The following IL1RAPL2 variants were observed in gnomAD, a reference collection of about 807,000 sequenced individuals.
IL1RAPL2 encodes interleukin 1 receptor accessory protein like 2.
A neutral mutation model predicts 44.1 loss-of-function variants in IL1RAPL2; 3 were observed. The ratio of observed to expected loss-of-function variants is 0.07; its 90% CI spans 0.03 to 0.18. IL1RAPL2 has a LOEUF of 0.18. Ranked by LOEUF, IL1RAPL2 falls within the 10% of genes least tolerant of loss-of-function variation. The probability of loss-of-function intolerance (pLI) is 1.00; values close to 1 mark genes in which losing one functional copy is unlikely to be tolerated. For synonymous variants in IL1RAPL2, 181 were observed against 178.8 expected, an observed-to-expected ratio of 1.01 and a Z score of -0.10; for missense variants, 391 against 496.4, an observed-to-expected ratio of 0.79 and a Z score of 2.02.
At chrX:104,947,206 A>G (rs1925404775) in intron 2 of IL1RAPL2, among the ~76,000 whole-genome samples, 1 of 111,460 alleles carries the variant, frequency 9.0e-6, no homozygotes, top group Non-Finnish European at 1.9e-5. Flanking sequence ...TGGCTGCATA[A>G]AGGTCTTCTT....
rs1005340582 is a variant in IL1RAPL2, at chrX:105,111,773, A to AT, written c.83-83696dup. Among the ~76,000 whole-genome samples, 5 of 111,289 alleles carry AT rather than the reference A, an allele frequency of 4.5e-5. No homozygotes were observed. The East Asian group carries it at 1.4e-3, about 31-fold the overall frequency. On this transcript the variant is annotated intron_variant, in intron 2 of 10. Transcript: ENST00000372582. ...ATTAACTTTAAAAGTTTCCTTGGGCATTTTTTCTGGTTGTTGTTGTTTTGA... is the reference window on the plus strand; with the variant it reads ...ATTAACTTTAAAAGTTTCCTTGGGCATTTTTTTCTGGTTGTTGTTGTTTTGA...
At chrX:104,846,352 C>T (rs748160267) in intron 2 of IL1RAPL2, among the ~76,000 whole-genome samples, 1 of 109,773 alleles carries the variant, frequency 9.1e-6, no homozygotes, top group Non-Finnish European at 1.9e-5. Flanking sequence ...CCCCCTCTCC[C>T]CACCCCACGA....
At chrX:104,828,299 G>A (rs896037835) in intron 2 of IL1RAPL2, among the ~76,000 whole-genome samples, 2 of 111,560 alleles carry the variant, frequency 1.8e-5, no homozygotes, top group African/African-American at 3.3e-5. Flanking sequence ...GGTGACCTTC[G>A]GATGGATTTT....
At chrX:104,629,604 C>T (rs369976307) in intron 1 of IL1RAPL2, among the ~76,000 whole-genome samples, 5 of 111,577 alleles carry the variant, frequency 4.5e-5, no homozygotes, top group African/African-American at 1.6e-4. Context: ...AATTATTTTC[C>T]TAGGCCAATG....
chrX:105,739,478 C>G (rs1744041332), intron 7 of IL1RAPL2, among the ~76,000 whole-genome samples: 1 of 97,513 alleles, frequency 1.0e-5, no homozygotes, highest in Non-Finnish European at 2.1e-5. Context: ...AGGTATATCG[C>G]CCAATGCTAT....
chrX:105,445,255 T>C (rs1213311460), intron 5 of IL1RAPL2, among the ~76,000 whole-genome samples: 1 of 111,871 alleles, frequency 8.9e-6, no homozygotes, highest in African/African-American at 3.2e-5. Context: ...TTATCTGTTA[T>C]TTATTTGGGT....
At chrX:104,658,614 T>TA (rs1194397359) in intron 1 of IL1RAPL2, among the ~76,000 whole-genome samples, 6 of 112,216 alleles carry the variant, frequency 5.3e-5, no homozygotes, top group Non-Finnish European at 7.5e-5. Flanking sequence ...TAAAGTATAA[T>TA]AAAAAAATAC....
At chrX:104,951,714 A>G (rs1925590829) in intron 2 of IL1RAPL2, among the ~76,000 whole-genome samples, 1 of 112,335 alleles carries the variant, frequency 8.9e-6, no homozygotes, top group Non-Finnish European at 1.9e-5. Flanking sequence ...CTTTGAGTGA[A>G]TTACTCAACA....
chrX:104,866,906 C>T (rs1368640742), intron 2 of IL1RAPL2, among the ~76,000 whole-genome samples: 4 of 111,006 alleles, frequency 3.6e-5, no homozygotes, highest in African/African-American at 9.8e-5. Flanking sequence ...TGGGTTGAGG[C>T]TATCTATCCT....
chrX:105,406,530 C>T (rs2035646151), intron 5 of IL1RAPL2: 4 of 1,195,966 alleles, frequency 3.3e-6, no homozygotes, highest in Middle Eastern at 6.3e-4. Flanking sequence ...CAAGTCAGAA[C>T]TGCGATGCCA....
chrX:105,074,380 T>G (rs1315951183), intron 2 of IL1RAPL2, among the ~76,000 whole-genome samples: 2 of 111,515 alleles, frequency 1.8e-5, no homozygotes, highest in Non-Finnish European at 3.8e-5. Flanking sequence ...CTGAGGGCTC[T>G]GTTCTGTTCC....
intron 2 of IL1RAPL2, among the ~76,000 whole-genome samples, chrX:104,684,854 T>G (rs1181947155): frequency 8.9e-6 from 1 of 112,413 alleles, no homozygotes; most frequent in Non-Finnish European, 1.9e-5. Flanking sequence ...ACTTCCACAC[T>G]CTGATTTGCC....
intron 6 of IL1RAPL2, among the ~76,000 whole-genome samples, chrX:105,658,943 C>A (rs1311567418): frequency 1.1e-5 from 1 of 92,917 alleles, no homozygotes; most frequent in Admixed American, 1.2e-4. Context: ...GCCTGGGTGA[C>A]AGAGCAAGAC....
At chrX:105,591,812 T>G (rs1347306636) in intron 6 of IL1RAPL2, among the ~76,000 whole-genome samples, 2 of 111,705 alleles carry the variant, frequency 1.8e-5, no homozygotes, top group Non-Finnish European at 3.8e-5. Flanking sequence ...TTTTAAAATT[T>G]GCTGAGAATT....
At chrX:105,249,969 T>C (rs2034255866) in intron 4 of IL1RAPL2, among the ~76,000 whole-genome samples, 1 of 111,571 alleles carries the variant, frequency 9.0e-6, no homozygotes, top group African/African-American at 3.2e-5. Flanking sequence ...CTTCTTCCTT[T>C]GTGAATGGCT....
At chrX:105,031,034 G>T (rs2031482810) in intron 2 of IL1RAPL2, among the ~76,000 whole-genome samples, 1 of 109,672 alleles carries the variant, frequency 9.1e-6, no homozygotes, top group East Asian at 2.9e-4. Flanking sequence ...TCATGATTTG[G>T]CTCTCTGTTT....
At chrX:105,600,554 TA>T in intron 6 of IL1RAPL2, among the ~76,000 whole-genome samples, 1 of 108,302 alleles carries the variant, frequency 9.2e-6, no homozygotes, top group East Asian at 2.9e-4. Context: ...TTTAATGAAA[TA>T]ATTATAATTA....
At chrX:104,631,323 G>C (rs758704056) in intron 1 of IL1RAPL2, among the ~76,000 whole-genome samples, 10 of 111,991 alleles carry the variant, frequency 8.9e-5, no homozygotes, top group Non-Finnish European at 1.9e-4. Flanking sequence ...CTTTATAGAA[G>C]CATGATTTAT....
At chrX:105,350,647 C>G (rs1037657962) in intron 5 of IL1RAPL2, among the ~76,000 whole-genome samples, 3 of 111,744 alleles carry the variant, frequency 2.7e-5, no homozygotes, top group East Asian at 2.8e-4. Context: ...TCGCTTGAAC[C>G]CAGGAGGCAG....
Sources: allele counts gnomAD v4.1 joint callset (sites outside exome capture counted in the v4.1 genomes callset), GRCh38; gene constraint gnomAD v4.1.1; transcripts MANE v1.5; gene names NCBI Gene and HGNC (gene_info 2026-07-23, HGNC 2026-07-21).